Variants in GPR158 observed in about 807,000 individuals in gnomAD.
GPR158 encodes the protein G protein-coupled receptor 158, also known as metabotropic glycine receptor.
GPR158 carries 30 observed loss-of-function variants against 78.2 expected under a neutral mutation model. The observed-to-expected ratio is 0.38, with a 90% CI of 0.29 to 0.52. The LOEUF (loss-of-function observed/expected upper bound fraction) is 0.52. Among genes scored for constraint, GPR158 ranks in the 20% least tolerant of loss-of-function variants. The pLI, the probability that GPR158 is intolerant of heterozygous loss-of-function variation, is 0.83. For synonymous variants in GPR158, 581 were observed against 591.1 expected, an observed-to-expected ratio of 0.98 and a Z score of 0.25; for missense variants, 1,463 against 1,523.5, an observed-to-expected ratio of 0.96 and a Z score of 0.66.
intron 2 of GPR158, among the ~76,000 whole-genome samples, chr10:25,270,114 C>A (rs114376454): frequency 1.6e-3 from 246 of 152,254 alleles, no homozygotes; most frequent in African/African-American, 5.6e-3. Flanking sequence ...CACACAGAAT[C>A]TTCAACAAAG....
intron 2 of GPR158, among the ~76,000 whole-genome samples, chr10:25,382,155 G>A (rs1335430824): frequency 6.6e-6 from 1 of 152,144 alleles, no homozygotes; most frequent in Admixed American, 6.5e-5. Flanking sequence ...TGAAAGTGTC[G>A]AACATACAAA....
chr10:25,353,404 T>C (rs991180730), intron 2 of GPR158, among the ~76,000 whole-genome samples: 8 of 151,930 alleles, frequency 5.3e-5, no homozygotes, highest in Admixed American at 4.6e-4. Context: ...CCATAACTGA[T>C]TTTTTTACAT....
intron 7 of GPR158, among the ~76,000 whole-genome samples, chr10:25,580,940 C>T (rs1427180678): frequency 1.2e-4 from 13 of 108,610 alleles, no homozygotes; most frequent in African/African-American, 3.3e-4. Context: ...TTTTTTGAGA[C>T]GGAGTCTCGC....
intron 6 of GPR158, among the ~76,000 whole-genome samples, chr10:25,559,668 A>G (rs1400181987): frequency 6.6e-6 from 1 of 152,266 alleles, no homozygotes; most frequent in Non-Finnish European, 1.5e-5. Flanking sequence ...GATATATTAT[A>G]ATCCTAATGT....
At chr10:25,472,919 C>T (rs903431313) in intron 5 of GPR158, among the ~76,000 whole-genome samples, 1 of 152,146 alleles carries the variant, frequency 6.6e-6, no homozygotes, top group Non-Finnish European at 1.5e-5. Context: ...ATTTGACTTC[C>T]TCTTTTCCTA....
intron 2 of GPR158, among the ~76,000 whole-genome samples, chr10:25,327,233 A>G (rs925579773): frequency 6.6e-6 from 1 of 151,880 alleles, no homozygotes; most frequent in African/African-American, 2.4e-5. Context: ...TTGCTGCCTT[A>G]TACACAGGAC....
At chr10:25,591,567 G>T (rs1410109545) in intron 8 of GPR158, among the ~76,000 whole-genome samples, 2 of 152,088 alleles carry the variant, frequency 1.3e-5, no homozygotes, top group African/African-American at 2.4e-5. Context: ...TGATGTACTT[G>T]CAAGATCAAT....
intron 5 of GPR158, among the ~76,000 whole-genome samples, chr10:25,471,483 G>A (rs1021101382): frequency 1.3e-5 from 2 of 152,160 alleles, no homozygotes; most frequent in Non-Finnish European, 2.9e-5. Flanking sequence ...CCAGTAATAT[G>A]GGATTGCTGG....
chr10:25,451,900 C>A (rs1478359573), intron 4 of GPR158, among the ~76,000 whole-genome samples: 1 of 152,102 alleles, frequency 6.6e-6, no homozygotes, highest in Non-Finnish European at 1.5e-5. Flanking sequence ...GAGAAAAATT[C>A]CCTTGAATGG....
intron 4 of GPR158, chr10:25,466,402 A>T: frequency 2.6e-6 from 1 of 380,290 alleles, no homozygotes; most frequent in Non-Finnish European, 4.7e-6. Context: ...CTTTTTAATG[A>T]TACAAATTTT....
At position 25,599,058 on chromosome 10, in the gene GPR158, A is replaced by G; in HGVS notation, c.3432A>G (p.Thr1144=). Residue 1144 remains threonine, a synonymous_variant, in exon 11 of 11, where the codon ACA becomes ACG. Transcript: ENST00000376351. ...LNQIGHQEKK[T]SSSEENVRGS... ...AAATAGGACACCAGGAAAAAAAGAC[A>G]TCTTCTTCTGAGGAGAATGTGCGTG... 1.2e-6 allele frequency: 2 copies of G among 1,613,944 alleles called. No homozygotes were observed. The highest frequency in any genetic ancestry group is 1.1e-5 in the South Asian group (1 of 91,080).
chr10:25,588,016 G>C (rs1302008201), intron 7 of GPR158, among the ~76,000 whole-genome samples: 1 of 152,090 alleles, frequency 6.6e-6, no homozygotes, highest in Non-Finnish European at 1.5e-5. Flanking sequence ...ATGCCACTAA[G>C]ATAGATAAAA....
chr10:25,539,771 A>G (rs1216335742), intron 5 of GPR158, among the ~76,000 whole-genome samples: 4 of 152,152 alleles, frequency 2.6e-5, no homozygotes, highest in Non-Finnish European at 5.9e-5. Flanking sequence ...AGCCATTCTC[A>G]TGTATGTGGT....
Position 25,593,367 on chromosome 10 carries a change from T to C in GPR158, c.1893-925T>C, listed in dbSNP as rs547315244. Among the ~76,000 whole-genome samples, 4 of 152,210 alleles carry C rather than the reference T, an allele frequency of 2.6e-5. No homozygotes were observed. In the East Asian group the frequency reaches 7.7e-4, roughly 29 times the overall value. On this transcript the variant is annotated intron_variant, in intron 8 of 10. Coordinates refer to ENST00000376351, the MANE Select transcript of GPR158 (RefSeq NM_020752.3). ...ATTTTAGCCATTAATATATGTTTGT[T>C]TTGTGATTATAATATCATGAGCATT...
At chr10:25,511,858 T>C (rs1836090052) in intron 5 of GPR158, among the ~76,000 whole-genome samples, 1 of 152,216 alleles carries the variant, frequency 6.6e-6, no homozygotes, top group Admixed American at 6.5e-5. Flanking sequence ...TTTGGCTTTA[T>C]TTCTGGGTTC....
At chr10:25,377,108 A>G (rs768647637) in intron 2 of GPR158, among the ~76,000 whole-genome samples, 3 of 151,768 alleles carry the variant, frequency 2.0e-5, no homozygotes, top group Non-Finnish European at 3.0e-5. Context: ...ATCTTTTAAA[A>G]TGGTTCTTTT....
chr10:25,293,622 G>T (rs868175295), intron 2 of GPR158, among the ~76,000 whole-genome samples: 17 of 152,120 alleles, frequency 1.1e-4, no homozygotes, highest in African/African-American at 3.9e-4. Context: ...TTGGAGAGAG[G>T]AAATACCAGA....
At chr10:25,408,415 A>T (rs1407689208) in intron 3 of GPR158, among the ~76,000 whole-genome samples, 4 of 152,092 alleles carry the variant, frequency 2.6e-5, no homozygotes, top group African/African-American at 9.7e-5. Flanking sequence ...GGGAAGGTAA[A>T]TTTAATCCCT....
rs1175673100 is a variant in GPR158, at chr10:25,601,826, G to C, written c.*2552G>C. 3 of 152,306 alleles carry C rather than the reference G, an allele frequency of 2.0e-5. No individual in the cohort carries two copies. Among genetic ancestry groups the C allele is most frequent in the Admixed American group, 6.6e-5 (1 of 15,232 alleles). The allele number at this position is 152,306 out of a possible 1,614,324, so 9.4% of individuals were successfully genotyped here. ...CATCCTGTCCTTGTTTTTAAGCCAG[G>C]GTTTATAAATAAGTAGATTTATACC... On this transcript the variant is annotated 3_prime_UTR_variant, in exon 11 of 11. Transcript: ENST00000376351.
Sources: allele counts gnomAD v4.1 joint callset (sites outside exome capture counted in the v4.1 genomes callset), GRCh38; gene constraint gnomAD v4.1.1; transcripts MANE v1.5; gene names NCBI Gene and HGNC (gene_info 2026-07-23, HGNC 2026-07-21).